SUPT4H1: variants seen among roughly 807,000 people sequenced by gnomAD.
The protein encoded by SUPT4H1 is transcription elongation factor SPT4.
SUPT4H1 carries 12 observed loss-of-function variants against 19.4 expected under a neutral mutation model. That is an observed-to-expected ratio of 0.62 (90% CI 0.40 to 1.00). The LOEUF (loss-of-function observed/expected upper bound fraction) is 1.00, where lower values mean the gene tolerates loss of function less well. Ranked by LOEUF, SUPT4H1 falls within the 50% of genes least tolerant of loss-of-function variation. SUPT4H1 has a pLI of 0.00. For missense variants in SUPT4H1, 115 were observed against 149.2 expected, an observed-to-expected ratio of 0.77 and a Z score of 1.19; for synonymous variants, 58 against 56.3, an observed-to-expected ratio of 1.03 and a Z score of -0.14.
intron 2 of SUPT4H1, among the ~76,000 whole-genome samples, chr17:58,348,435 T>C (rs1598111902): frequency 6.6e-6 from 1 of 152,228 alleles, no homozygotes; most frequent in Admixed American, 6.5e-5. Context: ...TTCTCAGCCA[T>C]GCGCTGTTAA....
chr17:58,347,455 T>G (rs771258742), intron 3 of SUPT4H1, 74 bp downstream of exon 3: 1 of 1,569,162 alleles, frequency 6.4e-7, no homozygotes, highest in Non-Finnish European at 8.8e-7. Context: ...CTTGCTGATT[T>G]GAGACTCCCT....
At chr17:58,348,104 C>T (rs1389557793) in intron 2 of SUPT4H1, among the ~76,000 whole-genome samples, 2 of 152,154 alleles carry the variant, frequency 1.3e-5, no homozygotes, top group African/African-American at 2.4e-5. Context: ...TGAGATAATA[C>T]ATGAAAAACA....
At position 58,350,510 on chromosome 17, in the gene SUPT4H1, C is replaced by CAAATAAATAAATAAATAAAT. The variant is rs71143243; in HGVS notation, c.176+872_176+891dup. ...TGGGCGACAGAGCGAGACTCCATCT[C>CAAATAAATAAATAAATAAAT]AAATAAATAAATAAATAAATAAATA... On this transcript the variant is annotated intron_variant, in intron 2 of 4. Coordinates refer to ENST00000225504, the MANE Select transcript of SUPT4H1 (RefSeq NM_003168.3). 9.3e-3 allele frequency among the ~76,000 whole-genome samples: 1,364 copies of CAAATAAATAAATAAATAAAT among 146,888 alleles called. 9 individuals carry two copies. The highest frequency in any genetic ancestry group is 0.017 in the Middle Eastern group (5 of 288).
In SUPT4H1 at chr17:58,352,008, G is replaced by T. The variant is rs1249680379; in HGVS notation, c.69+59C>A. The T allele has an allele frequency of 1.9e-6, 3 of 1,569,742 alleles. No homozygotes were observed. The South Asian group carries it at 3.3e-5, about 17-fold the overall frequency. On this transcript the variant is annotated intron_variant, in intron 1 of 4. Transcript: ENST00000225504. Reference sequence around the variant, plus strand: ...CTTTACTGTCCCACAGCCCCATTCCGCCCTCTTTCCCCGACCTTGGTCCCC... The same window carrying T: ...CTTTACTGTCCCACAGCCCCATTCCTCCCTCTTTCCCCGACCTTGGTCCCC...
intron 2 of SUPT4H1, among the ~76,000 whole-genome samples, chr17:58,349,561 G>C (rs1972411066): frequency 6.6e-6 from 1 of 152,208 alleles, no homozygotes; most frequent in African/African-American, 2.4e-5. Flanking sequence ...ATGAAAAGCA[G>C]GGACTTGAAC....
In SUPT4H1 at chr17:58,351,433, C is replaced by G; in HGVS notation, c.145G>C (p.Val49Leu). The G allele has an allele frequency of 6.2e-7, 1 of 1,613,896 alleles. No individual in the cohort carries two copies. Among genetic ancestry groups the G allele is most frequent in the Non-Finnish European group, 8.5e-7 (1 of 1,179,860 alleles). Residue 49 changes from valine to leucine, a missense_variant, in exon 2 of 5, where the codon GTA becomes CTA. Physicochemically the swap from Val to Leu is conservative, Grantham distance 32 (BLOSUM62 1). Coordinates refer to ENST00000225504, the MANE Select transcript of SUPT4H1 (RefSeq NM_003168.3). ...AAGGAAGAGCTAGTGCAGTCATATA[C>G]CATCTCTCGGTTACCCTTCATTTGT... ...YLQMKGNREM[V>L]YDCTSSSFDG...
intron 4 of SUPT4H1, 112 bp downstream of exon 4, chr17:58,347,076 C>A (rs751536526): frequency 6.6e-6 from 7 of 1,057,318 alleles, no homozygotes; most frequent in African/African-American, 1.6e-5. Flanking sequence ...TGGTTCCCCC[C>A]ATCTGTAAAA....
In SUPT4H1 at chr17:58,347,550, C is replaced by A. The variant is rs150213892; in HGVS notation, c.211G>T (p.Val71Phe). The A allele has an allele frequency of 1.2e-5, 20 of 1,614,150 alleles. No individual in the cohort carries two copies. In the African/African-American group the frequency reaches 2.0e-4, roughly 16 times the overall value. ...IAMMSPEDSW[V>F]SKWQRVSNFK... ...TTACTGACTCGCTGCCACTTGGAGA[C>A]CCAGCTGTCCTCTGGACTCATCATC... Residue 71 changes from valine to phenylalanine, a missense_variant, in exon 3 of 5, where the codon GTC (valine) becomes TTC (phenylalanine). Physicochemically the swap from Val to Phe is conservative, Grantham distance 50. Coordinates refer to ENST00000225504, the MANE Select transcript of SUPT4H1 (RefSeq NM_003168.3).
chr17:58,351,571 G>C (rs759745059), intron 1 of SUPT4H1, 63 bp from the exon 2 acceptor site: 1 of 1,206,342 alleles, frequency 8.3e-7, no homozygotes. Context: ...AAGAGAAAAA[G>C]TAGCTTTCTC....
At chr17:58,346,405 A>C in intron 4 of SUPT4H1, 92 bp from the exon 5 acceptor site, 1 of 1,015,396 alleles carries the variant, frequency 9.8e-7, no homozygotes, top group Admixed American at 1.7e-5. Flanking sequence ...TACTATAAGC[A>C]AACTGGAGTT....
intron 1 of SUPT4H1, 69 bp from the exon 2 acceptor site, chr17:58,351,577 T>A: frequency 2.9e-6 from 3 of 1,051,188 alleles, no homozygotes; most frequent in Non-Finnish European, 4.4e-6. Context: ...AAAAGTAGCT[T>A]TCTCAATACT....
rs1972276516 is a variant in SUPT4H1, at chr17:58,346,015, A to G, written c.*231T>C. 4.0e-6 allele frequency: 2 copies of G among 495,358 alleles called. No homozygotes were observed. 30.7% of individuals were successfully genotyped at this position (495,358 alleles called of 1,614,324 possible). ...CTGGGCCACGGGTAGGAAAATCAGC[A>G]TCCTACTCTCTCCTCAATTCCATCT... On this transcript the variant is annotated 3_prime_UTR_variant, in exon 5 of 5. Transcript: ENST00000225504.
chr17:58,345,757 AG>A lies in SUPT4H1; in HGVS notation c.*488del. Reference sequence around the variant, plus strand: ...AGCCTCTGGATCAGCACCCTCCGATAGGAAGCAAGGAAGCACACTACAAAGG... The same window carrying A: ...AGCCTCTGGATCAGCACCCTCCGATAGAAGCAAGGAAGCACACTACAAAGG... On this transcript the variant is annotated 3_prime_UTR_variant, in exon 5 of 5. Coordinates refer to ENST00000225504, the MANE Select transcript of SUPT4H1 (RefSeq NM_003168.3). The A allele has an allele frequency of 6.5e-6, 1 of 153,646 alleles. No homozygotes were observed. Among genetic ancestry groups the A allele is most frequent in the South Asian group, 2.0e-4 (1 of 5,056 alleles). 9.5% of individuals were successfully genotyped at this position (153,646 alleles called of 1,614,324 possible).
In SUPT4H1 at chr17:58,346,262, G is replaced by A. The variant is rs1972283994; in HGVS notation, c.338C>T (p.Thr113Ile). ...SRGVAYKSRD[T>I]AIKT is the part of the protein sequence containing the mutation. ...TGCATCTTGCTAGGTCTTTATAGCT[G>A]TGTCTCTGGATTTGTAGGCCACTCC... The change falls in exon 5 of 5, where the codon ACA (threonine) becomes ATA (isoleucine). Residue 113 changes from threonine (T) to isoleucine (I), a missense_variant. Physicochemically the swap from Thr to Ile is moderately conservative, Grantham distance 89 (BLOSUM62 -1). Transcript: ENST00000225504. 1 of 1,614,018 alleles carries A rather than the reference G, an allele frequency of 6.2e-7. No individual in the cohort carries two copies. Among genetic ancestry groups the A allele is most frequent in the Non-Finnish European group, 8.5e-7 (1 of 1,179,900 alleles).
At chr17:58,348,095 G>A (rs1032560362) in intron 2 of SUPT4H1, among the ~76,000 whole-genome samples, 2 of 152,200 alleles carry the variant, frequency 1.3e-5, no homozygotes, top group African/African-American at 2.4e-5. Flanking sequence ...CTCAAAGGTT[G>A]AGATAATACA....
At chr17:58,351,719 C>A in intron 1 of SUPT4H1, 1 of 580,590 alleles carries the variant, frequency 1.7e-6, no homozygotes, top group Non-Finnish European at 3.0e-6. Context: ...TCCGTTTTAT[C>A]TATTCCTTTC....
Position 58,347,253 on chromosome 17 carries a change from G to GA in SUPT4H1, c.233-13dup, listed in dbSNP as rs1252882047. On this transcript the variant is annotated splice_polypyrimidine_tract_variant and intron_variant, in intron 3 of 4. Coordinates refer to ENST00000225504, the MANE Select transcript of SUPT4H1 (RefSeq NM_003168.3). ...TGGCTTAAAGTTACCTGAGAGAGAA[G>GA]AAAAAAGATACAAGATTACAGTGAA... 2 of 1,613,092 alleles carry GA rather than the reference G, an allele frequency of 1.2e-6. No individual in the cohort carries two copies. Among genetic ancestry groups the GA allele is most frequent in the East Asian group, 4.5e-5 (2 of 44,876 alleles).
chr17:58,351,251 CAAAAA>C (rs565767343), intron 2 of SUPT4H1, 146 bp downstream of exon 2: 4,501 of 365,826 alleles, frequency 0.012, no homozygotes, highest in East Asian at 0.014. Flanking sequence ...AACCCTGATT[CAAAAA>C]AAAAAAAAAA....
chr17:58,346,357 G>C, intron 4 of SUPT4H1, 44 bp from the exon 5 acceptor site: 1 of 1,557,104 alleles, frequency 6.4e-7, no homozygotes, highest in Non-Finnish European at 8.9e-7. Flanking sequence ...AGATTCAGAA[G>C]GGTAAGATAG....
Sources: allele counts gnomAD v4.1 joint callset (sites outside exome capture counted in the v4.1 genomes callset), GRCh38; gene constraint gnomAD v4.1.1; transcripts MANE v1.5; gene names NCBI Gene and HGNC (gene_info 2026-07-23, HGNC 2026-07-21).